NOL4: variants seen among roughly 807,000 people sequenced by gnomAD.
NOL4 encodes nucleolar protein 4.
NOL4 carries 17 observed loss-of-function variants against 75.9 expected under a neutral mutation model. The ratio of observed to expected loss-of-function variants is 0.22; its 90% CI spans 0.15 to 0.34. NOL4 has a LOEUF of 0.34. Ranked by LOEUF, NOL4 falls within the 10% of genes least tolerant of loss-of-function variation. NOL4 has a pLI of 1.00. For synonymous variants in NOL4, 292 were observed against 289.9 expected (o/e 1.01, Z -0.07); for missense variants, 614 against 793.5 (o/e 0.77, Z 2.72).
At chr18:33,925,510 T>G (rs893618664) in intron 9 of NOL4, among the ~76,000 whole-genome samples, 3 of 152,186 alleles carry the variant, frequency 2.0e-5, no homozygotes, top group Non-Finnish European at 2.9e-5. Flanking sequence ...TTCATTGGAC[T>G]TCTCAAATTT....
intron 6 of NOL4, among the ~76,000 whole-genome samples, chr18:33,985,494 ACTTTCAGGACCATCACTTTTG>A (rs1292538754): frequency 1.3e-5 from 2 of 152,224 alleles, no homozygotes; most frequent in African/African-American, 4.8e-5. Context: ...AGAGGATGAA[ACTTTCAGGACCATCACTTTTG>A]CTTACCAATG....
chr18:34,109,099 T>C (rs2079459099), intron 2 of NOL4, among the ~76,000 whole-genome samples: 1 of 151,606 alleles, frequency 6.6e-6, no homozygotes, highest in Non-Finnish European at 1.5e-5. Flanking sequence ...AAAGAAGAAA[T>C]CAAACAGGAA....
intron 9 of NOL4, among the ~76,000 whole-genome samples, chr18:33,939,271 G>A (rs1208427804): frequency 6.6e-6 from 1 of 151,998 alleles, no homozygotes; most frequent in East Asian, 1.9e-4. Context: ...CTCTTTTTTG[G>A]TTCCATATGA....
chr18:34,209,718 C>T (rs1428570210), intron 1 of NOL4, among the ~76,000 whole-genome samples: 1 of 152,136 alleles, frequency 6.6e-6, no homozygotes, highest in Middle Eastern at 3.2e-3. Flanking sequence ...AGAAATAGAA[C>T]TGCTAAATAG....
chr18:34,050,990 A>C (rs912370194), intron 5 of NOL4, among the ~76,000 whole-genome samples: 4 of 152,072 alleles, frequency 2.6e-5, no homozygotes, highest in African/African-American at 9.7e-5. Flanking sequence ...GACAAACTGC[A>C]TTACTAATCT....
At chr18:34,189,711 AAAT>A (rs1465909917) in intron 1 of NOL4, among the ~76,000 whole-genome samples, 15 of 152,256 alleles carry the variant, frequency 9.9e-5, no homozygotes, top group South Asian at 2.1e-4. Flanking sequence ...CAATCTGAAA[AAAT>A]AATACTAAGC....
Position 34,100,144 on chromosome 18 carries a change from T to C in NOL4, c.639+3903A>G, listed in dbSNP as rs190014308. On this transcript the variant is annotated intron_variant, in intron 4 of 10. Transcript: ENST00000261592. ...CTACCTCTATCTGATCCCTCCTGTC[T>C]GTGCTCCATTCTAAGGCCAACTTTT... Among the ~76,000 whole-genome samples, 516 of 152,182 alleles carry C rather than the reference T, an allele frequency of 3.4e-3. 2 individuals are homozygous for C. Among genetic ancestry groups the C allele is most frequent in the Non-Finnish European group, 6.4e-3 (433 of 68,006 alleles).
At chr18:34,135,781 A>G (rs1333610019) in intron 1 of NOL4, among the ~76,000 whole-genome samples, 2 of 152,032 alleles carry the variant, frequency 1.3e-5, no homozygotes, top group Admixed American at 6.6e-5. Flanking sequence ...GAATCAATGG[A>G]ATTCATCACA....
intron 6 of NOL4, among the ~76,000 whole-genome samples, chr18:33,960,311 A>T (rs1255515770): frequency 6.6e-6 from 1 of 152,164 alleles, no homozygotes; most frequent in African/African-American, 2.4e-5. Flanking sequence ...AATACAAAAC[A>T]TCTATAGAAG....
chr18:34,085,457 A>G (rs1434674929), intron 5 of NOL4, among the ~76,000 whole-genome samples: 1 of 152,180 alleles, frequency 6.6e-6, no homozygotes, highest in Non-Finnish European at 1.5e-5. Context: ...GACGTCCTTC[A>G]CTGATCAGAT....
chr18:34,142,303 C>G (rs2146005445), intron 1 of NOL4, among the ~76,000 whole-genome samples: 1 of 152,288 alleles, frequency 6.6e-6, no homozygotes, highest in Middle Eastern at 3.4e-3. Flanking sequence ...ACTAGAAATA[C>G]CATTTGACCC....
chr18:33,911,098 GT>G (rs1487672011), intron 9 of NOL4, among the ~76,000 whole-genome samples: 5 of 151,840 alleles, frequency 3.3e-5, no homozygotes, highest in Non-Finnish European at 5.9e-5. Flanking sequence ...GTTTTTGTTG[GT>G]TGACATATTT....
At chr18:33,922,416 A>G (rs989852784) in intron 9 of NOL4, among the ~76,000 whole-genome samples, 3 of 152,196 alleles carry the variant, frequency 2.0e-5, no homozygotes, top group African/African-American at 7.2e-5. Context: ...TGATAACTTC[A>G]TCAATGAAAT....
intron 10 of NOL4, among the ~76,000 whole-genome samples, chr18:33,876,923 C>G (rs1235386650): frequency 6.6e-6 from 1 of 151,982 alleles, no homozygotes; most frequent in African/African-American, 2.4e-5. Context: ...CCCTTGCTAC[C>G]ACTACATTGC....
chr18:34,028,298 G>C (rs1044215890), intron 5 of NOL4, among the ~76,000 whole-genome samples: 1 of 152,180 alleles, frequency 6.6e-6, no homozygotes, highest in African/African-American at 2.4e-5. Flanking sequence ...AACATTTACT[G>C]AGCTTTGCAG....
chr18:33,921,970 A>T lies in NOL4; in HGVS notation c.1542+21095T>A, dbSNP rs754983988. Among the ~76,000 whole-genome samples, 44 of 152,244 alleles carry T rather than the reference A, an allele frequency of 2.9e-4. 1 individual carries two copies. The highest frequency in any genetic ancestry group is 9.7e-4 in the East Asian group (5 of 5,180). On this transcript the variant is annotated intron_variant, in intron 9 of 10. Coordinates refer to ENST00000261592, the MANE Select transcript of NOL4 (RefSeq NM_003787.5). ...TAAATATGTGGCCTATACACTTTCCATTTCTCTGGCCTCAGCAATTGCTTC... is the reference window on the plus strand; with the variant it reads ...TAAATATGTGGCCTATACACTTTCCTTTTCTCTGGCCTCAGCAATTGCTTC...
Position 34,020,869 on chromosome 18 carries a change from T to C in NOL4, c.773-1268A>G, listed in dbSNP as rs150543938. On this transcript the variant is annotated intron_variant, in intron 5 of 10. Transcript: ENST00000261592. ...TTTTTAAAAATTATGATGGAAAAGG[T>C]ATTAAATTGTTTCATTTAGTTAAAA... Among the ~76,000 whole-genome samples the C allele has an allele frequency of 4.9e-4, 74 of 152,326 alleles. 1 individual carries two copies. The East Asian group carries it at 0.012, about 24-fold the overall frequency.
intron 1 of NOL4, among the ~76,000 whole-genome samples, chr18:34,201,338 A>T (rs2035727724): frequency 1.3e-5 from 2 of 151,856 alleles, no homozygotes; most frequent in African/African-American, 4.8e-5. Flanking sequence ...GCACAGAGAC[A>T]TTAAGTAACT....
intron 5 of NOL4, among the ~76,000 whole-genome samples, chr18:34,090,193 A>G (rs1438522606): frequency 6.6e-6 from 1 of 152,176 alleles, no homozygotes; most frequent in Non-Finnish European, 1.5e-5. Context: ...GAAGATAAAT[A>G]TGTAAAACTT....
Sources: gnomAD v4.1 joint callset for allele counts (sites outside exome capture counted in the v4.1 genomes callset) on GRCh38, gnomAD v4.1.1 for gene constraint, MANE v1.5 for transcripts, NCBI Gene and HGNC (gene_info 2026-07-23, HGNC 2026-07-21) for gene names.